Variants in DNAH5 observed in about 807,000 individuals in gnomAD.
The protein encoded by DNAH5 is dynein axonemal heavy chain 5, also known as axonemal beta dynein heavy chain 5.
In DNAH5, 372 loss-of-function variants were observed where a neutral mutation model predicts 518.2. The observed-to-expected ratio is 0.72, with a 90% CI of 0.66 to 0.78. The LOEUF is 0.78. DNAH5 is among the 30% of genes least tolerant of loss of function. DNAH5 has a pLI of 0.00. For missense variants in DNAH5, 5,523 were observed against 5,687.0 expected (o/e 0.97, Z 0.93); for synonymous variants, 2,039 against 2,025.9 (o/e 1.01, Z -0.17).
At chr5:13,844,296 C>A (rs1210555454) in intron 32 of DNAH5, among the ~76,000 whole-genome samples, 2 of 152,170 alleles carry the variant, frequency 1.3e-5, no homozygotes, top group Non-Finnish European at 2.9e-5. Context: ...CAAGAAGAGT[C>A]ACTTTCCTAG....
chr5:13,852,163 G>GT (rs949942814), intron 30 of DNAH5, among the ~76,000 whole-genome samples: 10 of 151,888 alleles, frequency 6.6e-5, no homozygotes, highest in South Asian at 4.2e-4. Flanking sequence ...GCTAGCTGCA[G>GT]TTTTTTTTGT....
intron 3 of DNAH5, among the ~76,000 whole-genome samples, chr5:13,926,659 G>A (rs149055288): frequency 6.6e-6 from 1 of 150,744 alleles, no homozygotes. Flanking sequence ...ATCCAGGAAA[G>A]TCACAGGATT....
At chr5:13,710,551 G>A (rs1743352049) in intron 75 of DNAH5, among the ~76,000 whole-genome samples, 1 of 152,034 alleles carries the variant, frequency 6.6e-6, no homozygotes, top group African/African-American at 2.4e-5. Flanking sequence ...GAAACAAAAA[G>A]CTGGTTCTTT....
intron 50 of DNAH5, among the ~76,000 whole-genome samples, chr5:13,791,259 T>C (rs1294792645): frequency 6.6e-6 from 1 of 152,176 alleles, no homozygotes; most frequent in African/African-American, 2.4e-5. Flanking sequence ...CTAAAACCCA[T>C]TTGCTTAATT....
At position 13,728,073 on chromosome 5, in the gene DNAH5, C is replaced by G. The variant is rs146893401; in HGVS notation, c.11884-417G>C. ...CTCATTTCCCAGGACCACTCCTGACCCAAAAGAAGACATTTAACACATGTT... is the reference window on the plus strand; with the variant it reads ...CTCATTTCCCAGGACCACTCCTGACGCAAAAGAAGACATTTAACACATGTT... On this transcript the variant is annotated intron_variant, in intron 69 of 78. Coordinates refer to ENST00000265104, the MANE Select transcript of DNAH5 (RefSeq NM_001369.3). Among the ~76,000 whole-genome samples, 55 of 152,220 alleles carry G rather than the reference C, an allele frequency of 3.6e-4. No homozygotes were observed. The East Asian group carries it at 0.01, about 29-fold the overall frequency.
chr5:13,974,846 G>A (rs1318473548), intron 1 of DNAH5, among the ~76,000 whole-genome samples: 1 of 152,150 alleles, frequency 6.6e-6, no homozygotes, highest in Non-Finnish European at 1.5e-5. Flanking sequence ...CACCTTGCCA[G>A]GAGGAGACAC....
chr5:13,762,804 C>T lies in DNAH5; in HGVS notation c.10199G>A (p.Cys3400Tyr). The change falls in exon 60 of 79, where the codon TGT (cysteine) becomes TAT (tyrosine). Residue 3400 changes from cysteine (C) to tyrosine (Y), a missense_variant. By Grantham distance (194) the Cys-to-Tyr change is radical. Around this residue, in one of 3 missense-constraint regions of DNAH5, gnomAD observed 5,121 missense variants for 5,223.3 expected, o/e 0.98. Coordinates refer to ENST00000265104, the MANE Select transcript of DNAH5 (RefSeq NM_001369.3). Reference protein sequence around the residue: ...DYNIETAKRVCGNVAGLCSWT... With the variant: ...DYNIETAKRVYGNVAGLCSWT... ...GGAACAAAGACCAGCTACATTTCCA[C>T]ATACGCGTTTAGCAGTTTCGATGTT... is the stretch of plus-strand genomic sequence containing the variant. 1 of 1,614,178 alleles carries T rather than the reference C, an allele frequency of 6.2e-7. No homozygotes were observed. The highest frequency in any genetic ancestry group is 8.5e-7 in the Non-Finnish European group (1 of 1,179,986).
chr5:13,746,715 A>G (rs914749254), intron 65 of DNAH5, among the ~76,000 whole-genome samples: 9 of 152,126 alleles, frequency 5.9e-5, no homozygotes, highest in Non-Finnish European at 8.8e-5. Flanking sequence ...AAGTGAGAGA[A>G]AAGATTGGCA....
chr5:13,973,754 T>C (rs1328876778), intron 1 of DNAH5, among the ~76,000 whole-genome samples: 4 of 142,410 alleles, frequency 2.8e-5, no homozygotes, highest in African/African-American at 5.3e-5. Context: ...ACTTGGCAAA[T>C]AGAACCAAAG....
intron 15 of DNAH5, among the ~76,000 whole-genome samples, chr5:13,896,319 A>T (rs1773910559): frequency 1.3e-5 from 2 of 151,134 alleles, no homozygotes; most frequent in South Asian, 4.2e-4. Flanking sequence ...CTCATCTCCA[A>T]CCACTCTTTC....
At chr5:13,702,272 C>T (rs76628147) in intron 76 of DNAH5, among the ~76,000 whole-genome samples, 6,116 of 152,172 alleles carry the variant, frequency 0.04, 387 homozygotes, top group African/African-American at 0.13. Context: ...ACTTGAATTT[C>T]AAATACCTTA....
chr5:13,945,763 A>G (rs1779859483), upstream of DNAH5, among the ~76,000 whole-genome samples: 2 of 152,020 alleles, frequency 1.3e-5, no homozygotes, highest in Admixed American at 6.6e-5. Flanking sequence ...GTGTCACAAC[A>G]CGCGGCTAAT....
At chr5:13,988,669 C>T (rs1300014265) in intron 1 of DNAH5, among the ~76,000 whole-genome samples, 1 of 150,890 alleles carries the variant, frequency 6.6e-6, no homozygotes, top group Admixed American at 6.6e-5. Flanking sequence ...CCACCTGCCT[C>T]GCTCAGCCTC....
chr5:13,716,349 A>G, intron 74 of DNAH5, 138 bp downstream of exon 74: 1 of 685,328 alleles, frequency 1.5e-6, no homozygotes, highest in Non-Finnish European at 2.6e-6. Context: ...AATATGAAGA[A>G]AGCCTTCACA....
intron 17 of DNAH5, 96 bp from the exon 18 acceptor site, chr5:13,886,225 A>G: frequency 7.8e-7 from 1 of 1,288,294 alleles, no homozygotes; most frequent in South Asian, 1.3e-5. Context: ...GCTGTGGCTC[A>G]GCCTCCAGGT....
At chr5:13,808,644 AACATT>A (rs1213401680) in intron 46 of DNAH5, among the ~76,000 whole-genome samples, 3 of 152,186 alleles carry the variant, frequency 2.0e-5, no homozygotes, top group African/African-American at 7.2e-5. Flanking sequence ...TGCAACATAA[AACATT>A]TTATAATAAA....
chr5:13,981,784 G>A (rs1279725922), intron 1 of DNAH5, among the ~76,000 whole-genome samples: 1 of 152,200 alleles, frequency 6.6e-6, no homozygotes, highest in African/African-American at 2.4e-5. Flanking sequence ...CTCGGTCAAG[G>A]AGGGGAAAGA....
At chr5:13,771,063 G>T in intron 55 of DNAH5, 83 bp from the exon 56 acceptor site, 1 of 1,275,534 alleles carries the variant, frequency 7.8e-7, no homozygotes, top group Non-Finnish European at 1.1e-6. Context: ...CTAAAACTTA[G>T]ACATTTCTTA....
At chr5:13,983,873 C>T (rs573344211) in intron 1 of DNAH5, among the ~76,000 whole-genome samples, 208 of 152,330 alleles carry the variant, frequency 1.4e-3, no homozygotes, top group Middle Eastern at 0.014. Context: ...CAGACGCAAG[C>T]GCTGGAACCA....
Sources: allele counts gnomAD v4.1 joint callset (sites outside exome capture counted in the v4.1 genomes callset), GRCh38; gene constraint gnomAD v4.1.1; regional missense constraint gnomAD v4.1.1; transcripts MANE v1.5; gene names NCBI Gene and HGNC (gene_info 2026-07-23, HGNC 2026-07-21).